The following ENPP3 variants were observed in gnomAD, a reference collection of about 807,000 sequenced individuals.
The protein encoded by ENPP3 is ectonucleotide pyrophosphatase/phosphodiesterase 3, also known as ectonucleotide pyrophosphatase/phosphodiesterase family member 3.
ENPP3 carries 104 observed loss-of-function variants against 117.8 expected under a neutral mutation model. The ratio of observed to expected loss-of-function variants is 0.88; its 90% CI spans 0.75 to 1.04. The LOEUF is 1.04. Among genes scored for constraint, ENPP3 ranks in the 50% least tolerant of loss-of-function variants. The pLI, the probability that ENPP3 is intolerant of heterozygous loss-of-function variation, is 0.00. For synonymous variants in ENPP3, 380 were observed against 349.9 expected (o/e 1.09, Z -0.96); for missense variants, 1,026 against 1,051.9 (o/e 0.98, Z 0.34).
intron 15 of ENPP3, among the ~76,000 whole-genome samples, chr6:131,697,012 G>A (rs1217182959): frequency 6.6e-6 from 1 of 152,102 alleles, no homozygotes; most frequent in African/African-American, 2.4e-5. Flanking sequence ...CTCATGATCC[G>A]CCCTCCTTGG....
At chr6:131,669,470 C>G (rs191280815) in intron 6 of ENPP3, among the ~76,000 whole-genome samples, 1 of 151,520 alleles carries the variant, frequency 6.6e-6, no homozygotes. Flanking sequence ...GCAAGGAGAT[C>G]GAGACAAGCC....
chr6:131,736,408 C>CA, intron 21 of ENPP3, among the ~76,000 whole-genome samples: 2 of 152,228 alleles, frequency 1.3e-5, no homozygotes, highest in Non-Finnish European at 2.9e-5. Context: ...AGATATCTTA[C>CA]ATGGCTGCAG....
At chr6:131,663,737 TATA>T (rs1562436419) in intron 6 of ENPP3, among the ~76,000 whole-genome samples, 1 of 151,890 alleles carries the variant, frequency 6.6e-6, no homozygotes, top group Non-Finnish European at 1.5e-5. Context: ...TCATAGAAAT[TATA>T]ATGTCATAGT....
At position 131,666,475 on chromosome 6, in the gene ENPP3, A is replaced by C. The variant is rs548737109; in HGVS notation, c.563-4773A>C. On this transcript the variant is annotated intron_variant, in intron 6 of 24. Coordinates refer to ENST00000357639, the MANE Select transcript of ENPP3 (RefSeq NM_005021.5). ...TCTTTCTCTTTTTCTTCTCCGGAAA[A>C]CCCCATCATGCATATATTAATCCAC... 2.0e-5 allele frequency among the ~76,000 whole-genome samples: 3 copies of C among 151,574 alleles called. No individual in the cohort carries two copies. In the South Asian group the frequency reaches 6.3e-4, roughly 32 times the overall value.
rs1450132604 is a variant in ENPP3 at position 131,674,170 on chromosome 6, T to A, written c.651T>A (p.Tyr217Ter). ...TGAAATTATCATTTTAGGGCTTGTA[T>A]CCAGAGTCACATGGCATCATTGACA... is the stretch of plus-strand genomic sequence containing the variant. ...PNHYTIVTGL[Y>*]PESHGIIDNN... is the part of the protein sequence containing the mutation. Residue 217 changes from tyrosine (Y) to a stop codon, truncating the protein, a stop_gained, in exon 8 of 25, where the codon TAT becomes TAA. Transcript: ENST00000357639. LOFTEE classifies it high-confidence loss of function. The A allele has an allele frequency of 6.5e-7, 1 of 1,544,958 alleles. No homozygotes were observed. The highest frequency in any genetic ancestry group is 1.7e-5 in the Admixed American group (1 of 59,806).
intron 7 of ENPP3, 130 bp downstream of exon 7, chr6:131,671,457 C>T: frequency 1.5e-6 from 1 of 655,272 alleles, no homozygotes; most frequent in Non-Finnish European, 2.7e-6. Context: ...TAGTTCATGG[C>T]TGAATTCAGG....
chr6:131,732,249 TAAAC>T (rs989447919), intron 20 of ENPP3, among the ~76,000 whole-genome samples: 1 of 152,106 alleles, frequency 6.6e-6, no homozygotes, highest in African/African-American at 2.4e-5. Context: ...CTGAGAAAAA[TAAAC>T]AAATAGCAAA....
intron 15 of ENPP3, among the ~76,000 whole-genome samples, chr6:131,693,964 T>C (rs1305507034): frequency 6.6e-6 from 1 of 152,224 alleles, no homozygotes; most frequent in Admixed American, 6.5e-5. Context: ...TAATGAGTGA[T>C]TGATTACACA....
At chr6:131,676,114 C>T (rs1286974295) in intron 9 of ENPP3, among the ~76,000 whole-genome samples, 1 of 152,070 alleles carries the variant, frequency 6.6e-6, no homozygotes, top group African/African-American at 2.4e-5. Context: ...AGATGATTTG[C>T]TCCATGGATC....
chr6:131,720,407 C>T (rs1779990106), intron 17 of ENPP3, 28 bp downstream of exon 17: 2 of 1,144,692 alleles, frequency 1.7e-6, no homozygotes, highest in Admixed American at 2.1e-5. Flanking sequence ...AGTTCGCCAA[C>T]AAAATATGGA....
intron 7 of ENPP3, among the ~76,000 whole-genome samples, chr6:131,673,571 G>A (rs754145705): frequency 8.6e-5 from 13 of 152,042 alleles, no homozygotes; most frequent in Non-Finnish European, 1.8e-4. Flanking sequence ...ACTATTGAGT[G>A]CTGGCTTAAT....
At chr6:131,717,350 GGGT>G (rs1483894388) in intron 15 of ENPP3, among the ~76,000 whole-genome samples, 7 of 52,376 alleles carry the variant, frequency 1.3e-4, no homozygotes, top group African/African-American at 2.3e-4. Flanking sequence ...ACCCTGCGGG[GGGT>G]GTGTGTGTGT....
At chr6:131,664,065 G>A (rs1203613200) in intron 6 of ENPP3, among the ~76,000 whole-genome samples, 4 of 152,126 alleles carry the variant, frequency 2.6e-5, no homozygotes, top group Non-Finnish European at 5.9e-5. Flanking sequence ...ATTTTAGAGT[G>A]TACTACTACT....
chr6:131,686,329 A>G (rs1562451759), intron 14 of ENPP3, among the ~76,000 whole-genome samples: 1 of 152,126 alleles, frequency 6.6e-6, no homozygotes, highest in Non-Finnish European at 1.5e-5. Context: ...ACTGCTTTCG[A>G]TTGGTTCCCA....
intron 6 of ENPP3, among the ~76,000 whole-genome samples, chr6:131,659,674 A>G (rs1301022117): frequency 6.6e-6 from 1 of 152,136 alleles, no homozygotes; most frequent in African/African-American, 2.4e-5. Flanking sequence ...CTCAAGGTGC[A>G]TTGTTTCTTC....
chr6:131,676,746 T>C lies in ENPP3; in HGVS notation c.883T>C (p.Phe295Leu). The C allele has an allele frequency of 6.2e-7, 1 of 1,604,442 alleles. No individual in the cohort carries two copies. The highest frequency in any genetic ancestry group is 1.3e-5 in the African/African-American group (1 of 74,822). ...IYMPYNGSVP[F>L]EERISTLLKW... ...ACCCTATTTTTTCAGAAGTGTCCCA[T>C]TTGAAGAGAGGATTTCTACACTGTT... Residue 295 changes from phenylalanine (F) to leucine (L), a missense_variant, in exon 10 of 25, where the codon TTT becomes CTT. Physicochemically the swap from Phe to Leu is conservative, Grantham distance 22 (BLOSUM62 0). Coordinates refer to ENST00000357639, the MANE Select transcript of ENPP3 (RefSeq NM_005021.5).
At chr6:131,723,517 G>A (rs1418145376) in intron 18 of ENPP3, among the ~76,000 whole-genome samples, 2 of 152,192 alleles carry the variant, frequency 1.3e-5, no homozygotes, top group Admixed American at 6.5e-5. Flanking sequence ...AGAGAAGCTT[G>A]TTCTATCTGG....
rs147313138 is a variant in ENPP3 at position 131,649,594 on chromosome 6, C to T, written c.155-433C>T. On this transcript the variant is annotated intron_variant, in intron 2 of 24. Coordinates refer to ENST00000357639, the MANE Select transcript of ENPP3 (RefSeq NM_005021.5). Reference sequence around the variant, plus strand: ...TTATTGAGACAGAGTCTTGCTTTGTCACCCAGGCTAGAGTTCAGTGGCACA... The same window carrying T: ...TTATTGAGACAGAGTCTTGCTTTGTTACCCAGGCTAGAGTTCAGTGGCACA... Among the ~76,000 whole-genome samples, 1,167 of 152,184 alleles carry T rather than the reference C, an allele frequency of 7.7e-3. 15 individuals carry two copies. Among genetic ancestry groups the T allele is most frequent in the African/African-American group, 0.026 (1,074 of 41,514 alleles).
chr6:131,688,512 G>A (rs62423412), intron 14 of ENPP3, among the ~76,000 whole-genome samples: 11,477 of 152,166 alleles, frequency 0.075, 912 homozygotes, highest in African/African-American at 0.2. Flanking sequence ...AGTTCTTGAA[G>A]AAAATGAGAA....
Sources: allele counts gnomAD v4.1 joint callset (sites outside exome capture counted in the v4.1 genomes callset), GRCh38; gene constraint gnomAD v4.1.1; transcripts MANE v1.5; gene names NCBI Gene and HGNC (gene_info 2026-07-23, HGNC 2026-07-21).